The following ADAMTS12 variants were observed in gnomAD, a reference collection of about 807,000 sequenced individuals.
The protein encoded by ADAMTS12 is ADAM metallopeptidase with thrombospondin type 1 motif 12.
ADAMTS12 carries 118 observed loss-of-function variants against 167.8 expected under a neutral mutation model. The ratio of observed to expected loss-of-function variants is 0.70; its 90% CI spans 0.61 to 0.82. The LOEUF (loss-of-function observed/expected upper bound fraction) is 0.82. ADAMTS12 is among the 40% of genes least tolerant of loss of function. The pLI, the probability that ADAMTS12 is intolerant of heterozygous loss-of-function variation, is 0.00. For missense variants in ADAMTS12, 1,916 were observed against 1,998.8 expected, an observed-to-expected ratio of 0.96 and a Z score of 0.79; for synonymous variants, 704 against 716.9, an observed-to-expected ratio of 0.98 and a Z score of 0.29.
chr5:33,677,510 A>C (rs1235643416), intron 5 of ADAMTS12, among the ~76,000 whole-genome samples: 1 of 152,228 alleles, frequency 6.6e-6, no homozygotes, highest in Non-Finnish European at 1.5e-5. Context: ...AAAGAGTCTA[A>C]TCCCATCCCT....
At chr5:33,821,043 G>A (rs1342209139) in intron 2 of ADAMTS12, among the ~76,000 whole-genome samples, 2 of 152,186 alleles carry the variant, frequency 1.3e-5, no homozygotes, top group Admixed American at 1.3e-4. Context: ...TACCTGGGTC[G>A]TGAAATAATT....
At chr5:33,654,846 T>C (rs905053803) in intron 7 of ADAMTS12, among the ~76,000 whole-genome samples, 8 of 148,602 alleles carry the variant, frequency 5.4e-5, no homozygotes, top group Admixed American at 1.4e-4. Flanking sequence ...CTCCTTTGGA[T>C]AGAGAGAACA....
At chr5:33,605,649 G>C (rs145832892) in intron 16 of ADAMTS12, among the ~76,000 whole-genome samples, 1 of 152,282 alleles carries the variant, frequency 6.6e-6, no homozygotes, top group East Asian at 1.9e-4. Flanking sequence ...AAGCATTTAA[G>C]ATGTATACAG....
At chr5:33,575,950 A>C (rs1423445876) in intron 19 of ADAMTS12, 104 bp downstream of exon 19, 2 of 1,472,422 alleles carry the variant, frequency 1.4e-6, no homozygotes, top group Non-Finnish European at 1.8e-6. Context: ...TGTTTTCACA[A>C]TAGAATATAT....
At chr5:33,667,931 A>G (rs1436385519) in intron 5 of ADAMTS12, among the ~76,000 whole-genome samples, 1 of 152,170 alleles carries the variant, frequency 6.6e-6, no homozygotes, top group African/African-American at 2.4e-5. Context: ...AATTAACTTC[A>G]CCATACTACT....
At chr5:33,840,048 C>T (rs1477976646) in intron 2 of ADAMTS12, 1 of 152,226 alleles carries the variant, frequency 6.6e-6, no homozygotes, top group South Asian at 2.1e-4. Context: ...ATTCCCCATT[C>T]ACTGACTTTC....
Position 33,815,887 on chromosome 5 carries a change from G to A in ADAMTS12, c.490-64339C>T, listed in dbSNP as rs765285647. Among the ~76,000 whole-genome samples, 99 of 152,164 alleles carry A rather than the reference G, an allele frequency of 6.5e-4. 1 individual carries two copies. Among genetic ancestry groups the A allele is most frequent in the Non-Finnish European group, 1.2e-3 (82 of 68,024 alleles). On this transcript the variant is annotated intron_variant, in intron 2 of 23. Transcript: ENST00000504830. ...TTCCTTTCACAGCTGGTGTGGACCA[G>A]CATCCATCAGTTCACATACCAAGAA...
chr5:33,564,779 G>A (rs1197925644), intron 19 of ADAMTS12, among the ~76,000 whole-genome samples: 2 of 152,066 alleles, frequency 1.3e-5, no homozygotes, highest in Non-Finnish European at 2.9e-5. Context: ...GCTAGTTGCC[G>A]CCCCTTCCCC....
intron 3 of ADAMTS12, among the ~76,000 whole-genome samples, chr5:33,744,888 C>A (rs367549478): frequency 7.9e-5 from 12 of 152,302 alleles, no homozygotes; most frequent in African/African-American, 2.9e-4. Context: ...GATTATAGCT[C>A]ACTGCAGCCT....
intron 22 of ADAMTS12, among the ~76,000 whole-genome samples, chr5:33,542,799 C>T (rs111849693): frequency 0.017 from 2,650 of 152,058 alleles, 73 homozygotes; most frequent in African/African-American, 0.061. Flanking sequence ...GAAATAAAGG[C>T]GTTCTTTGAA....
At position 33,527,355 on chromosome 5, in the gene ADAMTS12, T is replaced by A; in HGVS notation, c.4618A>T (p.Thr1540Ser). 1.9e-6 allele frequency: 3 copies of A among 1,613,960 alleles called. No individual in the cohort carries two copies. Among genetic ancestry groups the A allele is most frequent in the Non-Finnish European group, 2.5e-6 (3 of 1,179,930 alleles). The change falls in exon 24 of 24, where the codon ACT becomes TCT. Residue 1540 changes from threonine to serine, a missense_variant. By Grantham distance (58) the Thr-to-Ser change is moderately conservative (BLOSUM62 1). Transcript: ENST00000504830. Reference protein sequence around the residue: ...ACKKSADLLCTKDKLSASFCQ... With the variant: ...ACKKSADLLCSKDKLSASFCQ... ...AAACTGGCTGACAGTTTGTCCTTAG[T>A]GCAAAGTAAATCTGTGGAAGGAGAA...
chr5:33,647,333 A>AT (rs1740704977), intron 9 of ADAMTS12, among the ~76,000 whole-genome samples: 1 of 152,148 alleles, frequency 6.6e-6, no homozygotes, highest in Non-Finnish European at 1.5e-5. Context: ...CCATTTATAA[A>AT]GGTTACTTAG....
At chr5:33,675,544 CTATT>C (rs1741873282) in intron 5 of ADAMTS12, among the ~76,000 whole-genome samples, 1 of 152,162 alleles carries the variant, frequency 6.6e-6, no homozygotes, top group African/African-American at 2.4e-5. Flanking sequence ...CTTCCTATTC[CTATT>C]TAAAGTTCCT....
At chr5:33,885,459 A>T (rs1367461951) in intron 1 of ADAMTS12, among the ~76,000 whole-genome samples, 1 of 152,082 alleles carries the variant, frequency 6.6e-6, no homozygotes, top group Non-Finnish European at 1.5e-5. Context: ...ACAGAGTAAG[A>T]CTCCGTCTCA....
rs1043470778 is a variant in ADAMTS12, at chr5:33,683,844, T to G, written c.831+15A>C. The G allele has an allele frequency of 6.8e-7, 1 of 1,464,632 alleles. No homozygotes were observed. Among genetic ancestry groups the G allele is most frequent in the Non-Finnish European group, 9.1e-7 (1 of 1,099,222 alleles). 90.7% of individuals were successfully genotyped at this position (1,464,632 alleles called of 1,614,324 possible). ...TGTTCACTAGCTGCCCCAGCCCCCA[T>G]GTAGTCTGGCATACCATGTTCATGA... On this transcript the variant is annotated intron_variant, in intron 4 of 23. Coordinates refer to ENST00000504830, the MANE Select transcript of ADAMTS12 (RefSeq NM_030955.4).
At chr5:33,552,559 C>T (rs1745295729) in intron 20 of ADAMTS12, among the ~76,000 whole-genome samples, 2 of 152,184 alleles carry the variant, frequency 1.3e-5, no homozygotes. Flanking sequence ...CAGCCTTTTC[C>T]TAAACACATT....
At chr5:33,551,349 T>C (rs1185668072) in intron 20 of ADAMTS12, among the ~76,000 whole-genome samples, 2 of 152,170 alleles carry the variant, frequency 1.3e-5, no homozygotes, top group African/African-American at 2.4e-5. Context: ...GTTTAGATTA[T>C]CAGAAATAAG....
At chr5:33,822,914 C>T (rs1156870716) in intron 2 of ADAMTS12, among the ~76,000 whole-genome samples, 3 of 151,784 alleles carry the variant, frequency 2.0e-5, no homozygotes, top group Non-Finnish European at 2.9e-5. Flanking sequence ...TGGCAAGACT[C>T]CAACTCTACA....
Position 33,658,250 on chromosome 5 carries a change from C to T in ADAMTS12, c.1124G>A (p.Ser375Asn). The T allele has an allele frequency of 1.9e-6, 3 of 1,613,704 alleles. No individual in the cohort carries two copies. Among genetic ancestry groups the T allele is most frequent in the Middle Eastern group, 1.7e-4 (1 of 6,054 alleles). ...TCCCGAATCTTCATTGATGTTACAA[C>T]TGCGGTGAGGCTGACACATTCCTGA... ...HLSGMCQPHRSCNINEDSGLP... is the reference protein window; with the variant it reads ...HLSGMCQPHRNCNINEDSGLP... The change falls in exon 7 of 24, where the codon AGT (serine) becomes AAT (asparagine). Residue 375 changes from serine (S) to asparagine (N), a missense_variant. Ser to Asn is a conservative substitution (Grantham distance 46). Coordinates refer to ENST00000504830, the MANE Select transcript of ADAMTS12 (RefSeq NM_030955.4).
Sources: gnomAD v4.1 joint callset for allele counts (sites outside exome capture counted in the v4.1 genomes callset) on GRCh38, gnomAD v4.1.1 for gene constraint, MANE v1.5 for transcripts, NCBI Gene and HGNC (gene_info 2026-07-23, HGNC 2026-07-21) for gene names.